SGCZ: variants seen among roughly 807,000 people sequenced by gnomAD.
SGCZ encodes sarcoglycan zeta, also known as zeta-sarcoglycan.
SGCZ carries 40 observed loss-of-function variants against 41.3 expected under a neutral mutation model. The ratio of observed to expected loss-of-function variants is 0.97; its 90% CI spans 0.75 to 1.26. The LOEUF is 1.26. Among genes scored for constraint, SGCZ ranks in the 50% most tolerant of loss-of-function variants. The probability of loss-of-function intolerance (pLI) is 0.00; values close to 1 mark genes in which losing one functional copy is unlikely to be tolerated. For synonymous variants in SGCZ, 206 were observed against 137.5 expected, an observed-to-expected ratio of 1.50 and a Z score of -3.49; for missense variants, 552 against 369.8, an observed-to-expected ratio of 1.49 and a Z score of -4.04.
At chr8:14,581,694 G>A (rs1356343665) in intron 1 of SGCZ, among the ~76,000 whole-genome samples, 1 of 152,192 alleles carries the variant, frequency 6.6e-6, no homozygotes, top group Middle Eastern at 3.4e-3. Context: ...AAAAAGCAAA[G>A]CACTTACTGC....
chr8:14,375,568 C>A (rs73664335), intron 2 of SGCZ, among the ~76,000 whole-genome samples: 6,791 of 152,040 alleles, frequency 0.045, 493 homozygotes, highest in African/African-American at 0.15. Flanking sequence ...AAATTAATAA[C>A]AGAATTTTTA....
At chr8:14,531,101 C>T (rs138217258) in intron 2 of SGCZ, among the ~76,000 whole-genome samples, 1,883 of 152,102 alleles carry the variant, frequency 0.012, 15 homozygotes, top group Non-Finnish European at 0.018. Context: ...GTTTGGTATA[C>T]TCAGCCCCTG....
At chr8:14,860,484 GGAGAAA>G (rs1026841743) in intron 1 of SGCZ, among the ~76,000 whole-genome samples, 1 of 145,332 alleles carries the variant, frequency 6.9e-6, no homozygotes, top group African/African-American at 2.5e-5. Context: ...AGAAGGAAGA[GGAGAAA>G]GAGAAAGAGG....
At chr8:14,491,284 CA>C (rs1801835654) in intron 2 of SGCZ, among the ~76,000 whole-genome samples, 5 of 151,136 alleles carry the variant, frequency 3.3e-5, no homozygotes, top group African/African-American at 9.7e-5. Flanking sequence ...CACCCACCCA[CA>C]CACACACACA....
chr8:14,949,804 G>A (rs1355563438), intron 1 of SGCZ, among the ~76,000 whole-genome samples: 1 of 152,050 alleles, frequency 6.6e-6, no homozygotes, highest in African/African-American at 2.4e-5. Flanking sequence ...CAAGGCAGAT[G>A]AGAAATGAAG....
chr8:14,966,724 C>T (rs987616263), intron 1 of SGCZ, among the ~76,000 whole-genome samples: 4 of 152,070 alleles, frequency 2.6e-5, no homozygotes, highest in Admixed American at 1.3e-4. Flanking sequence ...GCTTTAAAAA[C>T]GCTTTGGGTT....
At chr8:14,098,650 T>C (rs1801918953) in intron 7 of SGCZ, among the ~76,000 whole-genome samples, 1 of 152,156 alleles carries the variant, frequency 6.6e-6, no homozygotes. Context: ...GGAGTTGAGT[T>C]CACCTTGAAG....
chr8:15,211,362 A>T (rs1018698735), intron 1 of SGCZ, among the ~76,000 whole-genome samples: 3 of 151,724 alleles, frequency 2.0e-5, no homozygotes, highest in African/African-American at 4.8e-5. Context: ...TACCTTTCCC[A>T]ATGTGCTTTC....
At chr8:14,291,698 C>A (rs1800847388) in intron 3 of SGCZ, among the ~76,000 whole-genome samples, 1 of 151,712 alleles carries the variant, frequency 6.6e-6, no homozygotes, top group African/African-American at 2.4e-5. Flanking sequence ...TATATGTATT[C>A]TTTTACTTTG....
chr8:15,136,478 G>T (rs1031451508), intron 1 of SGCZ, among the ~76,000 whole-genome samples: 1 of 152,012 alleles, frequency 6.6e-6, no homozygotes, highest in African/African-American at 2.4e-5. Context: ...TCAGGGAAGG[G>T]CATTGATATT....
intron 1 of SGCZ, among the ~76,000 whole-genome samples, chr8:14,868,016 T>G (rs1252502935): frequency 6.6e-6 from 1 of 152,106 alleles, no homozygotes; most frequent in African/African-American, 2.4e-5. Flanking sequence ...AGTCCCTGCC[T>G]ACCTCCTTAG....
intron 1 of SGCZ, among the ~76,000 whole-genome samples, chr8:14,784,582 A>G (rs1800694612): frequency 6.6e-6 from 1 of 152,012 alleles, no homozygotes; most frequent in Non-Finnish European, 1.5e-5. Context: ...GAAACTCCTT[A>G]GACAAGGAGA....
At chr8:15,151,983 T>C (rs1182177330) in intron 1 of SGCZ, among the ~76,000 whole-genome samples, 1 of 152,228 alleles carries the variant, frequency 6.6e-6, no homozygotes, top group East Asian at 1.9e-4. Flanking sequence ...ATTAAGTGAT[T>C]CAACAGCCTT....
Position 14,087,897 on chromosome 8 carries a change from C to T in SGCZ, c.*2546G>A, listed in dbSNP as rs968750378. ...ATTTGGTGTTGAATAGGAAAGCCATCGCTATCACTATATTTTCTACTGTAC... is the reference window on the plus strand; with the variant it reads ...ATTTGGTGTTGAATAGGAAAGCCATTGCTATCACTATATTTTCTACTGTAC... On this transcript the variant is annotated 3_prime_UTR_variant, in exon 8 of 8. Transcript: ENST00000382080. Among the ~76,000 whole-genome samples the T allele has an allele frequency of 7.9e-5, 12 of 151,506 alleles. No individual in the cohort carries two copies. The highest frequency in any genetic ancestry group is 2.7e-4 in the African/African-American group (11 of 41,338).
At chr8:15,137,792 C>A (rs557626185) in intron 1 of SGCZ, among the ~76,000 whole-genome samples, 1 of 152,294 alleles carries the variant, frequency 6.6e-6, no homozygotes, top group South Asian at 2.1e-4. Context: ...AGAGATGGAT[C>A]CCTCATGGAG....
At chr8:14,373,180 G>A (rs1396963446) in intron 2 of SGCZ, among the ~76,000 whole-genome samples, 4 of 152,096 alleles carry the variant, frequency 2.6e-5, no homozygotes, top group Admixed American at 6.6e-5. Context: ...GAGTGCATGA[G>A]GTTAAGCAAG....
chr8:14,769,894 G>A (rs1204511749), intron 1 of SGCZ, among the ~76,000 whole-genome samples: 9 of 148,328 alleles, frequency 6.1e-5, no homozygotes, highest in African/African-American at 2.5e-5. Context: ...GGTGCAACTC[G>A]ATTGGACTCT....
At chr8:15,105,564 A>G (rs986052358) in intron 1 of SGCZ, among the ~76,000 whole-genome samples, 2 of 152,130 alleles carry the variant, frequency 1.3e-5, no homozygotes, top group African/African-American at 2.4e-5. Flanking sequence ...TCAGAAGACC[A>G]TCATGAGAAC....
intron 2 of SGCZ, among the ~76,000 whole-genome samples, chr8:14,351,898 C>T (rs73518239): frequency 0.057 from 8,641 of 152,058 alleles, 718 homozygotes; most frequent in African/African-American, 0.18. Context: ...CAAACCCATG[C>T]TTTTTATATG....
Sources: gnomAD v4.1 joint callset for allele counts (sites outside exome capture counted in the v4.1 genomes callset) on GRCh38, gnomAD v4.1.1 for gene constraint, MANE v1.5 for transcripts, NCBI Gene and HGNC (gene_info 2026-07-23, HGNC 2026-07-21) for gene names.